EIF5B: variants seen among roughly 807,000 people sequenced by gnomAD.
EIF5B encodes the protein eIF-5B.
A neutral mutation model predicts 147.5 loss-of-function variants in EIF5B; 47 were observed. The ratio of observed to expected loss-of-function variants is 0.32; its 90% CI spans 0.25 to 0.41. The LOEUF (loss-of-function observed/expected upper bound fraction) is 0.41. Ranked by LOEUF, EIF5B falls within the 10% of genes least tolerant of loss-of-function variation. The pLI, the probability that EIF5B is intolerant of heterozygous loss-of-function variation, is 1.00. For synonymous variants in EIF5B, 455 were observed against 456.2 expected (o/e 1.00, Z 0.03); for missense variants, 1,064 against 1,413.2 (o/e 0.75, Z 3.96).
chr2:99,367,689 A>G lies in EIF5B; in HGVS notation c.1289-804A>G, dbSNP rs531602269. Among the ~76,000 whole-genome samples the G allele has an allele frequency of 3.9e-5, 6 of 152,182 alleles. No homozygotes were observed. The East Asian group carries it at 1.2e-3, about 29-fold the overall frequency. ...AGGATGGTCCTGGACTCCTGACCTC[A>G]GGTGATCCACCCACCTCGGCTTCCC... On this transcript the variant is annotated intron_variant, in intron 6 of 23. Coordinates refer to ENST00000289371, the MANE Select transcript of EIF5B (RefSeq NM_015904.4).
intron 22 of EIF5B, chr2:99,397,930 G>C (rs1036261550): frequency 7.2e-6 from 1 of 138,818 alleles, no homozygotes; most frequent in Non-Finnish European, 1.5e-5. Flanking sequence ...AGACTCAGTG[G>C]GTTTTTTTTT....
Position 99,399,533 on chromosome 2 carries a change from G to A in EIF5B, c.*119G>A. On this transcript the variant is annotated 3_prime_UTR_variant, in exon 24 of 24. Transcript: ENST00000289371. Reference sequence around the variant, plus strand: ...ACACTGATGGACTTAAGTATGGAAGGAAGAAAAATAGGTGTATAAAATGTT... The same window carrying A: ...ACACTGATGGACTTAAGTATGGAAGAAAGAAAAATAGGTGTATAAAATGTT... 1.2e-6 allele frequency: 1 copy of A among 863,188 alleles called. No homozygotes were observed. The highest frequency in any genetic ancestry group is 1.8e-6 in the Non-Finnish European group (1 of 557,858). 53.5% of individuals were successfully genotyped at this position (863,188 alleles called of 1,614,324 possible). A position where few individuals can be genotyped will look rare whatever the true frequency, so the allele number is the denominator to read the frequency against.
chr2:99,363,830 C>T lies in EIF5B; in HGVS notation c.1105C>T (p.Leu369Phe). The change falls in exon 5 of 24, where the codon CTT (leucine) becomes TTT (phenylalanine). Residue 369 changes from leucine to phenylalanine, a missense_variant. Physicochemically the swap from Leu to Phe is conservative, Grantham distance 22. Transcript: ENST00000289371. ...AGAAGAGGAAGAACGTATAAAACGG[C>T]TTGAAGAATTAGAAGCCAAGCGTAA... ...KREEEERIKR[L>F]EELEAKRKEE... 1.2e-6 allele frequency: 2 copies of T among 1,610,180 alleles called. No individual in the cohort carries two copies. The highest frequency in any genetic ancestry group is 8.5e-7 in the Non-Finnish European group (1 of 1,179,078).
chr2:99,359,271 A>C (rs1417995512), intron 1 of EIF5B, among the ~76,000 whole-genome samples: 1 of 151,564 alleles, frequency 6.6e-6, no homozygotes, highest in Non-Finnish European at 1.5e-5. Flanking sequence ...CGGGAGGCTG[A>C]GGCAGGAGAA....
At chr2:99,347,521 A>G (rs2094275868) in intron 1 of EIF5B, among the ~76,000 whole-genome samples, 1 of 150,516 alleles carries the variant, frequency 6.6e-6, no homozygotes, top group Non-Finnish European at 1.5e-5. Context: ...TTTTTTTTTA[A>G]CAGGCCTGAG....
intron 6 of EIF5B, among the ~76,000 whole-genome samples, chr2:99,366,342 C>T (rs6650788): frequency 0.013 from 1,963 of 152,288 alleles, 44 homozygotes; most frequent in African/African-American, 0.045. Context: ...ACAGTTTCCC[C>T]TCAGGCCCAT....
At chr2:99,345,530 G>A (rs1290742469) in intron 1 of EIF5B, among the ~76,000 whole-genome samples, 1 of 149,346 alleles carries the variant, frequency 6.7e-6, no homozygotes, top group African/African-American at 2.5e-5. Context: ...GGAGGTGGAG[G>A]TTGCAGTGAG....
chr2:99,339,238 C>G (rs1454673678), intron 1 of EIF5B, among the ~76,000 whole-genome samples: 3 of 151,690 alleles, frequency 2.0e-5, no homozygotes. Context: ...GTCTCGAACT[C>G]CCGACCTCAG....
At chr2:99,355,874 A>C (rs920048118) in intron 1 of EIF5B, among the ~76,000 whole-genome samples, 1 of 151,984 alleles carries the variant, frequency 6.6e-6, no homozygotes, top group Admixed American at 6.5e-5. Flanking sequence ...GGGCGTTCCA[A>C]AGTGCTGGGA....
chr2:99,354,206 T>C (rs796244384), intron 1 of EIF5B, among the ~76,000 whole-genome samples: 7 of 152,342 alleles, frequency 4.6e-5, no homozygotes, highest in African/African-American at 1.7e-4. Context: ...TTATTATCAC[T>C]ATTATGGGGG....
chr2:99,339,791 T>C (rs555077457), intron 1 of EIF5B, among the ~76,000 whole-genome samples: 1 of 152,310 alleles, frequency 6.6e-6, no homozygotes, highest in Admixed American at 6.5e-5. Context: ...TCTCATTGAT[T>C]TATAAAGATT....
At chr2:99,398,644 T>C in intron 22 of EIF5B, 104 bp from the exon 23 acceptor site, 1 of 1,291,982 alleles carries the variant, frequency 7.7e-7, no homozygotes, top group South Asian at 1.5e-5. Context: ...CCATGACTTT[T>C]AAAACAGGCT....
chr2:99,370,992 A>G (rs1397073059), intron 8 of EIF5B: 1 of 152,224 alleles, frequency 6.6e-6, no homozygotes, highest in Non-Finnish European at 1.5e-5. Flanking sequence ...ATGATCAAAA[A>G]GAAGATATAT....
chr2:99,389,117 C>T (rs1040428286), intron 14 of EIF5B, among the ~76,000 whole-genome samples: 10 of 152,098 alleles, frequency 6.6e-5, no homozygotes, highest in African/African-American at 1.7e-4. Flanking sequence ...CATTCAGATT[C>T]GTCTGATTCT....
At chr2:99,381,162 C>T (rs1574935669) in intron 12 of EIF5B, among the ~76,000 whole-genome samples, 1 of 152,052 alleles carries the variant, frequency 6.6e-6, no homozygotes, top group East Asian at 1.9e-4. Context: ...AATTTATTTT[C>T]ATCCTATTTT....
chr2:99,384,065 C>T (rs888721998), intron 14 of EIF5B, among the ~76,000 whole-genome samples: 3 of 151,234 alleles, frequency 2.0e-5, no homozygotes, highest in East Asian at 1.9e-4. Flanking sequence ...GGCGTAGTGG[C>T]GGGCACCTGT....
chr2:99,340,945 A>G (rs994638904), intron 1 of EIF5B, among the ~76,000 whole-genome samples: 2 of 152,058 alleles, frequency 1.3e-5, no homozygotes, highest in African/African-American at 4.8e-5. Flanking sequence ...TTGTGTTTTT[A>G]GTAGGGACAG....
Position 99,386,590 on chromosome 2 carries a change from C to T in EIF5B, c.2272-3128C>T, listed in dbSNP as rs576639629. Among the ~76,000 whole-genome samples the T allele has an allele frequency of 4.1e-5, 6 of 147,926 alleles. No homozygotes were observed. The East Asian group carries it at 8.1e-4, about 20-fold the overall frequency. ...TTGCCCAGGCTGGAGTGCAGTGTGG[C>T]GCACTCTTGGTTAACTACAACGTCC... On this transcript the variant is annotated intron_variant, in intron 14 of 23. Transcript: ENST00000289371.
In EIF5B at chr2:99,364,527, T is replaced by C. The variant is rs917325092; in HGVS notation, c.1288+106T>C. On this transcript the variant is annotated intron_variant, in intron 6 of 23. Transcript: ENST00000289371. ...GGAATTTGCATCAGGACAGTTCCTA[T>C]GAAAAATCTGTGAAAAAGTTCAGTA... 9.8e-6 allele frequency: 11 copies of C among 1,124,064 alleles called. No homozygotes were observed. In the Admixed American group the frequency reaches 2.7e-4, roughly 28 times the overall value. 69.6% of individuals were successfully genotyped at this position (1,124,064 alleles called of 1,614,324 possible).
Sources: allele counts gnomAD v4.1 joint callset (sites outside exome capture counted in the v4.1 genomes callset), GRCh38; gene constraint gnomAD v4.1.1; transcripts MANE v1.5; gene names NCBI Gene and HGNC (gene_info 2026-07-23, HGNC 2026-07-21).